Variants in IFT81 observed in about 807,000 individuals in gnomAD.
IFT81 encodes intraflagellar transport protein 81 homolog.
In IFT81, 72 loss-of-function variants were observed where a neutral mutation model predicts 102.6. That is an observed-to-expected ratio of 0.70 (90% CI 0.58 to 0.85). The LOEUF (loss-of-function observed/expected upper bound fraction) is 0.85, where lower values mean the gene tolerates loss of function less well. Ranked by LOEUF, IFT81 falls within the 40% of genes least tolerant of loss-of-function variation. The pLI, the probability that IFT81 is intolerant of heterozygous loss-of-function variation, is 0.00. For synonymous variants in IFT81, 237 were observed against 242.7 expected, an observed-to-expected ratio of 0.98 and a Z score of 0.22; for missense variants, 723 against 787.3, an observed-to-expected ratio of 0.92 and a Z score of 0.98.
In IFT81 at chr12:110,210,510, G is replaced by C. The variant is rs141004710; in HGVS notation, c.1848+1294G>C. Reference sequence around the variant, plus strand: ...TCCCAGCATTTTGGGAGGCTGAGGTGGGAGGATTGTTTGAACCTGGGAGTT... The same window carrying C: ...TCCCAGCATTTTGGGAGGCTGAGGTCGGAGGATTGTTTGAACCTGGGAGTT... On this transcript the variant is annotated intron_variant, in intron 18 of 18. Coordinates refer to ENST00000242591, the MANE Select transcript of IFT81 (RefSeq NM_014055.4). Among the ~76,000 whole-genome samples the C allele has an allele frequency of 3.4e-4, 52 of 152,120 alleles. No homozygotes were observed. The East Asian group carries it at 8.7e-3, about 26-fold the overall frequency.
At chr12:110,173,962 A>G (rs547893165) in intron 11 of IFT81, among the ~76,000 whole-genome samples, 1 of 145,184 alleles carries the variant, frequency 6.9e-6, no homozygotes, top group Non-Finnish European at 1.5e-5. Flanking sequence ...AATGATCAAT[A>G]AAAAAAAAAA....
intron 10 of IFT81, among the ~76,000 whole-genome samples, chr12:110,161,247 TCTC>T (rs1307249800): frequency 6.7e-6 from 1 of 149,940 alleles, no homozygotes; most frequent in Non-Finnish European, 1.5e-5. Flanking sequence ...TTCAAGGAAT[TCTC>T]CTGCCTCAGC....
intron 10 of IFT81, among the ~76,000 whole-genome samples, chr12:110,152,361 G>GTGA (rs1895589435): frequency 1.3e-5 from 2 of 152,146 alleles, no homozygotes; most frequent in African/African-American, 4.8e-5. Context: ...CAGTTGTGAG[G>GTGA]TGATAGCTCA....
chr12:110,209,857 G>A (rs546734146), intron 18 of IFT81, among the ~76,000 whole-genome samples: 1 of 151,184 alleles, frequency 6.6e-6, no homozygotes, highest in African/African-American at 2.4e-5. Flanking sequence ...TAAACACAAA[G>A]TTCTAAGCCC....
At chr12:110,136,924 T>TA in intron 8 of IFT81, 64 bp downstream of exon 8, 2 of 1,012,624 alleles carry the variant, frequency 2.0e-6, no homozygotes, top group Non-Finnish European at 2.9e-6. Context: ...ACGATCTTCC[T>TA]AAAAAATCAA....
chr12:110,205,261 T>G, intron 15 of IFT81, 182 bp from the exon 16 acceptor site: 1 of 526,670 alleles, frequency 1.9e-6, no homozygotes, highest in Non-Finnish European at 3.2e-6. Flanking sequence ...TTGCAGGTTA[T>G]AGAGTGATAT....
chr12:110,205,331 C>A, intron 15 of IFT81, 112 bp from the exon 16 acceptor site: 1 of 1,174,002 alleles, frequency 8.5e-7, no homozygotes, highest in Non-Finnish European at 1.2e-6. Flanking sequence ...GTTAAAATTG[C>A]AGAAGAGGAA....
At chr12:110,147,758 A>T (rs1004230203) in intron 10 of IFT81, among the ~76,000 whole-genome samples, 1 of 152,214 alleles carries the variant, frequency 6.6e-6, no homozygotes. Context: ...TACAGGGCTC[A>T]TGGCCATTCT....
chr12:110,175,518 G>T (rs1002959503), intron 11 of IFT81, among the ~76,000 whole-genome samples: 1 of 152,074 alleles, frequency 6.6e-6, no homozygotes, highest in East Asian at 1.9e-4. Context: ...TTTGATCTCG[G>T]TATTTTCGTT....
chr12:110,154,670 A>G (rs975898829), intron 10 of IFT81, among the ~76,000 whole-genome samples: 4 of 151,668 alleles, frequency 2.6e-5, no homozygotes, highest in South Asian at 2.1e-4. Flanking sequence ...AAAAAAATGT[A>G]TTTTTAATTT....
At chr12:110,145,819 T>C (rs1895193568) in intron 9 of IFT81, among the ~76,000 whole-genome samples, 1 of 151,580 alleles carries the variant, frequency 6.6e-6, no homozygotes, top group Non-Finnish European at 1.5e-5. Flanking sequence ...TTTTGTTTTG[T>C]TTTGTTTTTG....
In IFT81 at chr12:110,218,145, A is replaced by G. The variant is rs1239744704; in HGVS notation, c.1950A>G (p.Lys650=). The G allele has an allele frequency of 8.2e-6, 13 of 1,590,746 alleles. No homozygotes were observed. The highest frequency in any genetic ancestry group is 1.1e-5 in the Non-Finnish European group (13 of 1,173,950). The change falls in exon 19 of 19, where the codon AAA becomes AAG. Residue 650 remains lysine, a synonymous_variant. Transcript: ENST00000242591. The part of the protein sequence containing the change: ...RDLEQLMECK[K]QCFLKQQSQT... ...TGGAACAATTAATGGAATGTAAGAAACAGTGCTTTCTGAAACAACAAAGCC... is the reference window on the plus strand; with the variant it reads ...TGGAACAATTAATGGAATGTAAGAAGCAGTGCTTTCTGAAACAACAAAGCC...
At chr12:110,155,298 G>A (rs1457680335) in intron 10 of IFT81, among the ~76,000 whole-genome samples, 1 of 151,898 alleles carries the variant, frequency 6.6e-6, no homozygotes, top group Non-Finnish European at 1.5e-5. Flanking sequence ...GCATTACTTG[G>A]ATCATGTGGT....
chr12:110,166,422 T>A (rs536019075), intron 11 of IFT81, among the ~76,000 whole-genome samples: 1 of 152,246 alleles, frequency 6.6e-6, no homozygotes, highest in East Asian at 1.9e-4. Context: ...GCATGCTCAG[T>A]CTTGAGCACT....
At chr12:110,189,374 A>G (rs187577618) in intron 12 of IFT81, among the ~76,000 whole-genome samples, 7 of 152,106 alleles carry the variant, frequency 4.6e-5, no homozygotes, top group Admixed American at 4.6e-4. Context: ...TTTGAGACAG[A>G]GTCTCACTCT....
At chr12:110,153,866 C>A (rs1324073485) in intron 10 of IFT81, among the ~76,000 whole-genome samples, 1 of 150,564 alleles carries the variant, frequency 6.6e-6, no homozygotes. Flanking sequence ...GATCCACCTG[C>A]CTCGGCTGCC....
At chr12:110,158,957 C>T (rs1284991909) in intron 10 of IFT81, among the ~76,000 whole-genome samples, 3 of 151,394 alleles carry the variant, frequency 2.0e-5, no homozygotes, top group South Asian at 2.1e-4. Context: ...CTCCTGACCT[C>T]GTGATCCGCC....
intron 3 of IFT81, among the ~76,000 whole-genome samples, 164 bp from the exon 4 acceptor site, chr12:110,128,786 C>CAAAA (rs59756924): frequency 1.5e-5 from 1 of 68,720 alleles, no homozygotes; most frequent in Non-Finnish European, 2.7e-5. Context: ...GACCCTGTCT[C>CAAAA]AAAAAAAAAA....
chr12:110,211,637 GTT>G (rs201443393), intron 18 of IFT81, among the ~76,000 whole-genome samples: 1 of 149,464 alleles, frequency 6.7e-6, no homozygotes, highest in African/African-American at 2.5e-5. Flanking sequence ...AATTATTCTT[GTT>G]TTTTTTTAAT....
Sources: gnomAD v4.1 joint callset for allele counts (sites outside exome capture counted in the v4.1 genomes callset) on GRCh38, gnomAD v4.1.1 for gene constraint, MANE v1.5 for transcripts, NCBI Gene and HGNC (gene_info 2026-07-23, HGNC 2026-07-21) for gene names.